Variants in MAP7 observed in about 807,000 individuals in gnomAD.
The protein encoded by MAP7 is ensconsin.
In MAP7, 52 loss-of-function variants were observed where a neutral mutation model predicts 94.8. The ratio of observed to expected loss-of-function variants is 0.55; its 90% CI spans 0.44 to 0.69. The LOEUF is 0.69. Among genes scored for constraint, MAP7 ranks in the 30% least tolerant of loss-of-function variants. MAP7 has a pLI of 0.00. For missense variants in MAP7, 940 were observed against 964.6 expected, an observed-to-expected ratio of 0.97 and a Z score of 0.34; for synonymous variants, 350 against 357.0, an observed-to-expected ratio of 0.98 and a Z score of 0.22.
chr6:136,408,382 T>A (rs1366898368), intron 3 of MAP7, among the ~76,000 whole-genome samples: 2 of 152,192 alleles, frequency 1.3e-5, no homozygotes, highest in Non-Finnish European at 2.9e-5. Context: ...CATCAAAGCA[T>A]GACTCAGAGA....
intron 1 of MAP7, among the ~76,000 whole-genome samples, chr6:136,425,961 G>C (rs1351790887): frequency 1.3e-5 from 2 of 152,094 alleles, no homozygotes; most frequent in Non-Finnish European, 2.9e-5. Context: ...GGGGTATAAT[G>C]TATCTCCTTC....
intron 1 of MAP7, among the ~76,000 whole-genome samples, chr6:136,516,396 G>C (rs1361915226): frequency 6.6e-6 from 1 of 152,112 alleles, no homozygotes; most frequent in Non-Finnish European, 1.5e-5. Context: ...GGGCTCAAAT[G>C]ATCCTCCCAC....
intron 1 of MAP7, among the ~76,000 whole-genome samples, chr6:136,502,249 T>G (rs1322394601): frequency 6.6e-6 from 1 of 152,236 alleles, no homozygotes; most frequent in Non-Finnish European, 1.5e-5. Context: ...TCTTAGGAAG[T>G]GCTCTGTGTG....
chr6:136,377,584 A>C (rs1161079350), intron 7 of MAP7, among the ~76,000 whole-genome samples, 171 bp downstream of exon 7: 2 of 152,228 alleles, frequency 1.3e-5, no homozygotes, highest in African/African-American at 2.4e-5. Flanking sequence ...TAAGATGCTA[A>C]GGCAGATGCC....
At chr6:136,448,096 G>A (rs1799899532) in intron 1 of MAP7, among the ~76,000 whole-genome samples, 1 of 152,064 alleles carries the variant, frequency 6.6e-6, no homozygotes, top group Non-Finnish European at 1.5e-5. Flanking sequence ...GGAGGCTGAG[G>A]CAGGAAAATC....
At chr6:136,543,048 T>A (rs1458202355) in intron 1 of MAP7, among the ~76,000 whole-genome samples, 1 of 152,190 alleles carries the variant, frequency 6.6e-6, no homozygotes, top group Non-Finnish European at 1.5e-5. Flanking sequence ...TGGAAAAGCT[T>A]GGCCATTTCT....
chr6:136,479,377 T>C (rs1278831595), intron 1 of MAP7, among the ~76,000 whole-genome samples: 1 of 152,204 alleles, frequency 6.6e-6, no homozygotes, highest in Non-Finnish European at 1.5e-5. Flanking sequence ...AAAAGCCATA[T>C]ATGACAGACT....
chr6:136,361,615 G>C (rs1018664612), intron 11 of MAP7, among the ~76,000 whole-genome samples: 7 of 152,214 alleles, frequency 4.6e-5, no homozygotes, highest in Non-Finnish European at 8.8e-5. Flanking sequence ...TGGAGCCAAG[G>C]GAAAGGCATG....
intron 3 of MAP7, 148 bp downstream of exon 3, chr6:136,411,471 TA>T (rs1787427857): frequency 1.4e-6 from 1 of 692,576 alleles, no homozygotes; most frequent in Non-Finnish European, 2.4e-6. Context: ...TATTGTCACT[TA>T]AAACTTATCC....
chr6:136,446,041 C>A (rs896206980), intron 1 of MAP7, among the ~76,000 whole-genome samples: 1 of 152,216 alleles, frequency 6.6e-6, no homozygotes. Flanking sequence ...AATTGGGGTT[C>A]CCACAACCCC....
intron 1 of MAP7, among the ~76,000 whole-genome samples, chr6:136,488,550 T>C (rs989755675): frequency 6.6e-6 from 1 of 151,560 alleles, no homozygotes; most frequent in African/African-American, 2.4e-5. Context: ...GTTTAAGCGA[T>C]TCTCCTGCCT....
At chr6:136,439,141 C>T (rs529888544) in intron 1 of MAP7, among the ~76,000 whole-genome samples, 6 of 152,246 alleles carry the variant, frequency 3.9e-5, no homozygotes, top group East Asian at 1.9e-4. Flanking sequence ...AACCAAAATA[C>T]GGTTTGAATG....
chr6:136,393,829 T>C (rs1781490369), intron 3 of MAP7, among the ~76,000 whole-genome samples: 1 of 132,700 alleles, frequency 7.5e-6, no homozygotes, highest in African/African-American at 2.9e-5. Flanking sequence ...TTTTTAGAGA[T>C]AGGGTCTCAC....
At chr6:136,408,065 G>A (rs1201656289) in intron 3 of MAP7, among the ~76,000 whole-genome samples, 1 of 151,920 alleles carries the variant, frequency 6.6e-6, no homozygotes, top group African/African-American at 2.4e-5. Flanking sequence ...AAAGGAGAGT[G>A]AACCTGTGAG....
chr6:136,493,880 A>C (rs1316432395), intron 1 of MAP7, among the ~76,000 whole-genome samples: 1 of 152,206 alleles, frequency 6.6e-6, no homozygotes, highest in Non-Finnish European at 1.5e-5. Context: ...ACGTAAGTTG[A>C]AATCCAGCTG....
At chr6:136,367,060 T>A (rs955205768) in intron 8 of MAP7, among the ~76,000 whole-genome samples, 2 of 152,212 alleles carry the variant, frequency 1.3e-5, no homozygotes, top group African/African-American at 4.8e-5. Context: ...TTCAGCTATT[T>A]ATTTTTTTGC....
intron 2 of MAP7, among the ~76,000 whole-genome samples, chr6:136,415,517 C>A (rs1216955067): frequency 1.3e-5 from 2 of 152,124 alleles, no homozygotes; most frequent in African/African-American, 4.8e-5. Context: ...CCCTGACAGC[C>A]CCAAGTCATA....
chr6:136,472,362 A>C (rs1188713609), intron 1 of MAP7, among the ~76,000 whole-genome samples: 2 of 152,204 alleles, frequency 1.3e-5, no homozygotes, highest in African/African-American at 2.4e-5. Flanking sequence ...CAAAAGGGAC[A>C]TTTGTTAATT....
intron 1 of MAP7, among the ~76,000 whole-genome samples, chr6:136,486,712 C>T (rs918877418): frequency 6.6e-6 from 1 of 152,176 alleles, no homozygotes; most frequent in African/African-American, 2.4e-5. Context: ...TGTGAATTTA[C>T]AGTTTACAGG....
Sources: allele counts gnomAD v4.1 joint callset (sites outside exome capture counted in the v4.1 genomes callset), GRCh38; gene constraint gnomAD v4.1.1; transcripts MANE v1.5; gene names NCBI Gene and HGNC (gene_info 2026-07-23, HGNC 2026-07-21).